SPMIP11: variants seen among roughly 807,000 people sequenced by gnomAD.
SPMIP11 encodes the protein sperm microtubule inner protein 11.
chr12:48,755,131 C>T, the SPMIP11 span, among the ~76,000 whole-genome samples: 1 of 152,254 alleles, frequency 6.6e-6, no homozygotes, highest in East Asian at 1.9e-4. Context: ...CACAGGGAAA[C>T]TTGTAATACT....
At chr12:48,762,836 G>A in the SPMIP11 span, among the ~76,000 whole-genome samples, 1 of 152,144 alleles carries the variant, frequency 6.6e-6, no homozygotes, top group South Asian at 2.1e-4. Context: ...TTGTGGTAGT[G>A]TCCCATAGTT....
chr12:48,735,329 C>T, the SPMIP11 span, among the ~76,000 whole-genome samples: 14 of 152,272 alleles, frequency 9.2e-5, no homozygotes, highest in South Asian at 4.1e-4. Context: ...GTTTTCAGGC[C>T]GGGCACAGTG....
At chr12:48,770,926 C>T in the SPMIP11 span, 2 of 1,614,074 alleles carry the variant, frequency 1.2e-6, no homozygotes, top group South Asian at 1.1e-5. Context: ...TGCTACCAAT[C>T]GTCTTGATCT....
chr12:48,754,691 C>G, the SPMIP11 span, among the ~76,000 whole-genome samples: 3 of 151,988 alleles, frequency 2.0e-5, no homozygotes, highest in East Asian at 5.8e-4. Flanking sequence ...ACCTCGTGAT[C>G]CACCCGACTA....
the SPMIP11 span, among the ~76,000 whole-genome samples, chr12:48,732,801 C>T: frequency 7.5e-6 from 1 of 134,048 alleles, no homozygotes; most frequent in East Asian, 2.3e-4. Flanking sequence ...AATGTAATTA[C>T]AGTAGACTCA....
chr12:48,751,276 CA>C, the SPMIP11 span, among the ~76,000 whole-genome samples: 1 of 152,176 alleles, frequency 6.6e-6, no homozygotes, highest in Non-Finnish European at 1.5e-5. Flanking sequence ...ATCAAAGAGG[CA>C]AATGGATGTG....
the SPMIP11 span, among the ~76,000 whole-genome samples, chr12:48,735,370 G>A: frequency 2.0e-5 from 3 of 152,312 alleles, no homozygotes; most frequent in African/African-American, 7.2e-5. Context: ...CTCTTCGGGA[G>A]GCCGAGGTGG....
the SPMIP11 span, among the ~76,000 whole-genome samples, chr12:48,745,175 G>A: frequency 0.26 from 39,001 of 151,052 alleles, 5,575 homozygotes; most frequent in Middle Eastern, 0.33. Flanking sequence ...GGGTTGGGGG[G>A]ATTGAGGTAG....
chr12:48,728,707 C>CAAAAAAAAAA, the SPMIP11 span, among the ~76,000 whole-genome samples: 1 of 70,972 alleles, frequency 1.4e-5, no homozygotes, highest in African/African-American at 6.0e-5. Context: ...GACTCTGTCT[C>CAAAAAAAAAA]AAAAAAAAAA....
chr12:48,768,704 G>A, the SPMIP11 span: 2 of 1,614,078 alleles, frequency 1.2e-6, no homozygotes, highest in African/African-American at 1.3e-5. Flanking sequence ...ACCTGGTACA[G>A]GTCCGTGGTC....
At chr12:48,735,395 G>A in the SPMIP11 span, among the ~76,000 whole-genome samples, 2 of 151,696 alleles carry the variant, frequency 1.3e-5, no homozygotes, top group East Asian at 1.9e-4. Context: ...ATCACCTGAG[G>A]TCAAGAGTTT....
At chr12:48,736,618 C>T in the SPMIP11 span, among the ~76,000 whole-genome samples, 1 of 152,026 alleles carries the variant, frequency 6.6e-6, no homozygotes, top group African/African-American at 2.4e-5. Context: ...TGTTCATTCT[C>T]AAAGCCTGTT....
chr12:48,751,275 G>A, the SPMIP11 span, among the ~76,000 whole-genome samples: 1 of 152,132 alleles, frequency 6.6e-6, no homozygotes, highest in African/African-American at 2.4e-5. Flanking sequence ...AATCAAAGAG[G>A]CAAATGGATG....
At chr12:48,751,136 C>G in the SPMIP11 span, among the ~76,000 whole-genome samples, 3 of 152,048 alleles carry the variant, frequency 2.0e-5, no homozygotes, top group South Asian at 6.2e-4. Context: ...TCAAAAGGGC[C>G]CACTCAAGCT....
the SPMIP11 span, among the ~76,000 whole-genome samples, chr12:48,756,950 A>G: frequency 6.6e-6 from 1 of 151,554 alleles, no homozygotes; most frequent in Non-Finnish European, 1.5e-5. Flanking sequence ...TAATTTTTGT[A>G]TTTTTTATAG....
At chr12:48,755,695 AC>A in the SPMIP11 span, among the ~76,000 whole-genome samples, 1 of 152,054 alleles carries the variant, frequency 6.6e-6, no homozygotes, top group African/African-American at 2.4e-5. Flanking sequence ...GGAAGCCGGG[AC>A]CATGCTACTT....
the SPMIP11 span, among the ~76,000 whole-genome samples, chr12:48,751,558 A>G: frequency 7.2e-5 from 11 of 152,160 alleles, no homozygotes; most frequent in Admixed American, 5.9e-4. Flanking sequence ...GTGAGCCATG[A>G]TTGCACCAGT....
At chr12:48,759,251 C>CT in the SPMIP11 span, 5 of 702,842 alleles carry the variant, frequency 7.1e-6, no homozygotes, top group Admixed American at 1.0e-4. Flanking sequence ...CCCATTATCT[C>CT]AAAAGATGGG....
chr12:48,770,624 C>A, the SPMIP11 span: 217 of 776,460 alleles, frequency 2.8e-4, no homozygotes, highest in African/African-American at 3.2e-3. Context: ...TTCTTAATAT[C>A]AGACTTGATA....
Sources: gnomAD v4.1 joint callset for allele counts (sites outside exome capture counted in the v4.1 genomes callset) on GRCh38, gnomAD v4.1.1 for gene constraint, MANE v1.5 for transcripts, NCBI Gene and HGNC (gene_info 2026-07-23, HGNC 2026-07-21) for gene names.